Variants in TRPM3 observed in about 807,000 individuals in gnomAD.
TRPM3 encodes the protein long transient receptor potential channel 3.
TRPM3 carries 77 observed loss-of-function variants against 181.2 expected under a neutral mutation model. That is an observed-to-expected ratio of 0.42 (90% confidence interval 0.35 to 0.51). TRPM3 has a LOEUF of 0.51. TRPM3 is among the 20% of genes least tolerant of loss of function. TRPM3 has a pLI of 0.01. For missense variants in TRPM3, 1,759 were observed against 2,196.7 expected, an observed-to-expected ratio of 0.80 and a Z score of 3.98; for synonymous variants, 745 against 796.4, an observed-to-expected ratio of 0.94 and a Z score of 1.09.
In TRPM3 at chr9:70,549,539, C is replaced by T. The variant is rs2045946194; in HGVS notation, c.3707+3G>A. The T allele has an allele frequency of 3.7e-6, 6 of 1,611,290 alleles. No homozygotes were observed. The South Asian group carries it at 4.4e-5, about 12-fold the overall frequency. On this transcript the variant is annotated splice_donor_region_variant and intron_variant, in intron 25 of 25. Transcript: ENST00000677713. ...GCAGGAGGCAGGTGTCCACAGAACACACCTTTCTGAAGTCACCCGTATCCT... is the reference window on the plus strand; with the variant it reads ...GCAGGAGGCAGGTGTCCACAGAACATACCTTTCTGAAGTCACCCGTATCCT...
chr9:70,752,298 G>A (rs1345849410), intron 8 of TRPM3, among the ~76,000 whole-genome samples: 2 of 152,112 alleles, frequency 1.3e-5, no homozygotes, highest in African/African-American at 4.8e-5. Flanking sequence ...TTATGAAAGA[G>A]CTGGCATTAT....
intron 1 of TRPM3, among the ~76,000 whole-genome samples, chr9:71,008,462 A>G (rs907598896): frequency 6.6e-6 from 1 of 152,210 alleles, no homozygotes; most frequent in Non-Finnish European, 1.5e-5. Context: ...CAACAAAACC[A>G]TAAAACTTTA....
intron 1 of TRPM3, among the ~76,000 whole-genome samples, chr9:71,066,273 T>C (rs77531628): frequency 0.013 from 1,961 of 152,286 alleles, 32 homozygotes; most frequent in African/African-American, 0.045. Flanking sequence ...GTGACCTTTA[T>C]TATTCAAATA....
At chr9:70,588,594 G>T (rs61365917) in intron 22 of TRPM3, among the ~76,000 whole-genome samples, 8,042 of 152,246 alleles carry the variant, frequency 0.053, 595 homozygotes, top group African/African-American at 0.16. Context: ...TGGGACTGGA[G>T]ACCCTGGGAA....
intron 1 of TRPM3, among the ~76,000 whole-genome samples, chr9:71,343,373 G>A (rs1045322565): frequency 6.6e-6 from 1 of 152,076 alleles, no homozygotes; most frequent in Non-Finnish European, 1.5e-5. Context: ...TATCAGTGTG[G>A]GGAGGGGATT....
At chr9:70,882,102 G>T (rs2096004858) in intron 1 of TRPM3, among the ~76,000 whole-genome samples, 1 of 152,178 alleles carries the variant, frequency 6.6e-6, no homozygotes, top group South Asian at 2.1e-4. Flanking sequence ...TTATTAAAGG[G>T]ATTGTATCAA....
At chr9:71,082,371 CT>C in intron 1 of TRPM3, among the ~76,000 whole-genome samples, 1 of 152,070 alleles carries the variant, frequency 6.6e-6, no homozygotes, top group Non-Finnish European at 1.5e-5. Flanking sequence ...GACATGTTGT[CT>C]TTTTAGCAAG....
chr9:71,392,796 T>C lies in TRPM3; in HGVS notation c.183+53857A>G, dbSNP rs145964866. 6.1e-4 allele frequency among the ~76,000 whole-genome samples: 93 copies of C among 152,266 alleles called. 1 individual carries two copies. Among genetic ancestry groups the C allele is most frequent in the Admixed American group, 1.2e-3 (19 of 15,268 alleles). On this transcript the variant is annotated intron_variant, in intron 1 of 24. Transcript: ENST00000357533. ...AATCACATTTGTACCCTATACAGCATGGAGAATGGCATTTAAGATATTCTA... is the reference window on the plus strand; with the variant it reads ...AATCACATTTGTACCCTATACAGCACGGAGAATGGCATTTAAGATATTCTA...
At position 71,032,019 on chromosome 9, in the gene TRPM3, AT is replaced by A. The variant is rs1565022733; in HGVS notation, c.177+89158del. Among the ~76,000 whole-genome samples, 2 of 512 alleles carry A rather than the reference AT, an allele frequency of 3.9e-3. 1 individual carries two copies. Among genetic ancestry groups the A allele is most frequent in the South Asian group, 0.5 (2 of 4 alleles). 0.3% of individuals were successfully genotyped at this position (512 alleles called of 152,430 possible). A position where few individuals can be genotyped will look rare whatever the true frequency, so the allele number is the denominator to read the frequency against. On this transcript the variant is annotated intron_variant, in intron 1 of 25. Coordinates refer to ENST00000677713, the MANE Select transcript of TRPM3 (RefSeq NM_001366145.2). ...TATATAATTATATAATATATAATAT[AT>A]ATATATAATATAAATATATATATAT...
chr9:70,600,541 C>G (rs1338112440), intron 20 of TRPM3, among the ~76,000 whole-genome samples: 1 of 151,918 alleles, frequency 6.6e-6, no homozygotes. Flanking sequence ...CAGTGCACAT[C>G]AGAATCAGCT....
intron 1 of TRPM3, among the ~76,000 whole-genome samples, chr9:71,431,176 TCA>T (rs760673771): frequency 1.3e-5 from 2 of 151,432 alleles, no homozygotes; most frequent in Non-Finnish European, 2.9e-5. Flanking sequence ...AGTAGATATC[TCA>T]CACACACACA....
intron 12 of TRPM3, among the ~76,000 whole-genome samples, chr9:70,634,324 A>T (rs7036072): frequency 0.77 from 116,958 of 152,048 alleles, 46,575 homozygotes; most frequent in East Asian, 0.92. Flanking sequence ...TAACCAGACC[A>T]GGCTGGCCTT....
In TRPM3 at chr9:70,897,226, A is replaced by G. The variant is rs192733597; in HGVS notation, c.178-32715T>C. The stretch of plus-strand genomic sequence containing the variant: ...ACTGTATTTTTGTACCAATTAACCA[A>G]CCTCTATCTCTCCCTCCGTGCTCCC... On this transcript the variant is annotated intron_variant, in intron 1 of 25. Transcript: ENST00000677713. 1.0e-3 allele frequency among the ~76,000 whole-genome samples: 102 copies of G among 101,536 alleles called. 31 individuals are homozygous for G. Among genetic ancestry groups the G allele is most frequent in the African/African-American group, 4.0e-3 (101 of 25,040 alleles). The allele number at this position is 101,536 out of a possible 152,430, so 66.6% of individuals were successfully genotyped here.
At chr9:70,737,900 G>GA (rs2073104640) in intron 8 of TRPM3, among the ~76,000 whole-genome samples, 1 of 152,100 alleles carries the variant, frequency 6.6e-6, no homozygotes, top group Admixed American at 6.5e-5. Flanking sequence ...TAAGAAATGA[G>GA]ATAGACAGCA....
chr9:70,846,591 A>G lies in TRPM3; in HGVS notation c.463T>C (p.Tyr155His). ...TTTGTATCAAAAGATACTCGCACAT[A>G]CTGGAAGAAGAAAGGACATCAATTA... Reference protein sequence around the residue: ...QGGGHSNKAMYVRVSFDTKPD... With the variant: ...QGGGHSNKAMHVRVSFDTKPD... Residue 155 changes from tyrosine (Y) to histidine (H), a missense_variant and splice_region_variant, in exon 4 of 26, where the codon TAT becomes CAT. Physicochemically the swap from Tyr to His is moderately conservative, Grantham distance 83. This residue lies in a region of TRPM3 where 737 missense variants were observed against 957.4 expected (regional missense o/e 0.77). Coordinates refer to ENST00000677713, the MANE Select transcript of TRPM3 (RefSeq NM_001366145.2). 6.2e-7 allele frequency: 1 copy of G among 1,613,792 alleles called. No individual in the cohort carries two copies.
At chr9:71,405,086 C>A (rs116991301) in intron 1 of TRPM3, among the ~76,000 whole-genome samples, 2,142 of 152,320 alleles carry the variant, frequency 0.014, 25 homozygotes, top group Middle Eastern at 0.024. Flanking sequence ...GATTCTATCT[C>A]ATTTTACTTC....
chr9:70,680,343 T>C (rs1563967093), intron 9 of TRPM3, among the ~76,000 whole-genome samples: 2 of 152,220 alleles, frequency 1.3e-5, no homozygotes, highest in African/African-American at 4.8e-5. Context: ...TTGAGCATGG[T>C]AGCACATGAT....
chr9:71,359,535 A>G (rs1209602853), intron 1 of TRPM3, among the ~76,000 whole-genome samples: 3 of 152,184 alleles, frequency 2.0e-5, no homozygotes, highest in South Asian at 4.1e-4. Context: ...ATTCTAAAAC[A>G]TAAACCTACT....
chr9:71,273,449 T>C lies in TRPM3; in HGVS notation c.183+173204A>G, dbSNP rs185989855. 1.4e-4 allele frequency among the ~76,000 whole-genome samples: 22 copies of C among 152,330 alleles called. 1 individual carries two copies. The highest frequency in any genetic ancestry group is 3.9e-4 in the East Asian group (2 of 5,184). On this transcript the variant is annotated intron_variant, in intron 1 of 24. Transcript: ENST00000357533. ...CTGTCTTCTATTCTCTTTCACCTCT[T>C]GGCATAAGACCATAGAGACAGCACT...
Sources: gnomAD v4.1 joint callset for allele counts (sites outside exome capture counted in the v4.1 genomes callset) on GRCh38, gnomAD v4.1.1 for gene constraint, gnomAD v4.1.1 regional missense constraint, MANE v1.5 for transcripts, NCBI Gene and HGNC (gene_info 2026-07-23, HGNC 2026-07-21) for gene names.